The following COBLL1 variants were observed in gnomAD, a reference collection of about 807,000 sequenced individuals.
The protein encoded by COBLL1 is cordon-bleu protein-like 1.
A neutral mutation model predicts 94.8 loss-of-function variants in COBLL1; 50 were observed. The observed-to-expected ratio is 0.53, with a 90% confidence interval of 0.42 to 0.67. The LOEUF is 0.67. Ranked by LOEUF, COBLL1 falls within the 30% of genes least tolerant of loss-of-function variation. The pLI, the probability that COBLL1 is intolerant of heterozygous loss-of-function variation, is 0.00. For synonymous variants in COBLL1, 448 were observed against 473.8 expected (o/e 0.95, Z 0.71); for missense variants, 1,362 against 1,348.7 (o/e 1.01, Z -0.15).
intron 8 of COBLL1, 41 bp from the exon 9 acceptor site, chr2:164,704,559 C>CAAAT: frequency 6.9e-7 from 1 of 1,442,452 alleles, no homozygotes; most frequent in Non-Finnish European, 9.8e-7. Context: ...GTCATATTCA[C>CAAAT]AAATAAAACA....
chr2:164,659,578 C>A (rs1691037675), intron 2 of COBLL1, among the ~76,000 whole-genome samples: 1 of 152,134 alleles, frequency 6.6e-6, no homozygotes, highest in Non-Finnish European at 1.5e-5. Flanking sequence ...GAGATGTCCA[C>A]ACAGTAAGAT....
In COBLL1 at chr2:164,699,454, T is replaced by C; in HGVS notation, c.1506A>G (p.Val502=). 1.2e-6 allele frequency: 2 copies of C among 1,612,536 alleles called. No homozygotes were observed. The highest frequency in any genetic ancestry group is 1.7e-6 in the Non-Finnish European group (2 of 1,178,666). The part of the protein sequence containing the change: ...VVYDTSNGKK[V]VDSIRNLKSL... Reference sequence around the variant, plus strand: ...ACTTCAAGTTTCTTATACTGTCAACTACCTTCTTTCCATTGCTTGTATCAT... The same window carrying C: ...ACTTCAAGTTTCTTATACTGTCAACCACCTTCTTTCCATTGCTTGTATCAT... Residue 502 remains valine (V), a synonymous_variant, in exon 11 of 14, where the codon GTA becomes GTG. Coordinates refer to ENST00000652658, the MANE Select transcript of COBLL1 (RefSeq NM_001365672.2).
chr2:164,672,734 T>C (rs969994665), intron 1 of COBLL1, among the ~76,000 whole-genome samples: 5 of 141,682 alleles, frequency 3.5e-5, no homozygotes, highest in Non-Finnish European at 7.6e-5. Context: ...AAAAAATGAC[T>C]TTGTAAAAAA....
At chr2:164,796,840 T>C (rs1683485881) in intron 2 of COBLL1, among the ~76,000 whole-genome samples, 1 of 151,818 alleles carries the variant, frequency 6.6e-6, no homozygotes, top group Non-Finnish European at 1.5e-5. Flanking sequence ...CAAGGTATGG[T>C]GGAGCACACC....
At position 164,694,828 on chromosome 2, in the gene COBLL1, G is replaced by C; in HGVS notation, c.2564C>G (p.Ser855Cys). Residue 855 changes from serine (S) to cysteine (C), a missense_variant, in exon 12 of 14, where the codon TCT becomes TGT. By Grantham distance (112) the Ser-to-Cys change is moderately radical. Transcript: ENST00000652658. ...TTTGGCCTGGGCATTTGAAGCCCGAGATTTAAATTTTGATTCCAAAATATT... is the reference window on the plus strand; with the variant it reads ...TTTGGCCTGGGCATTTGAAGCCCGACATTTAAATTTTGATTCCAAAATATT... The part of the protein sequence containing the change: ...INNILESKFK[S>C]RASNAQAKPS... 1 of 1,613,856 alleles carries C rather than the reference G, an allele frequency of 6.2e-7. No individual in the cohort carries two copies. The highest frequency in any genetic ancestry group is 8.5e-7 in the Non-Finnish European group (1 of 1,179,930).
rs751353990 is a variant in COBLL1 at position 164,695,416 on chromosome 2, C to A, written c.1976G>T (p.Ser659Ile). ...TGAATGTATAATTAGGGTGCCTTGA[C>A]TCCTGAATTCCCTTGAGGTATTTAC... ...DSVNTSREFR[S>I]QGTLIIHSED... The change falls in exon 12 of 14, where the codon AGT becomes ATT. Residue 659 changes from serine to isoleucine, a missense_variant. Coordinates refer to ENST00000652658, the MANE Select transcript of COBLL1 (RefSeq NM_001365672.2). 1 of 1,613,902 alleles carries A rather than the reference C, an allele frequency of 6.2e-7. No homozygotes were observed. The highest frequency in any genetic ancestry group is 1.1e-5 in the South Asian group (1 of 91,062).
intron 2 of COBLL1, among the ~76,000 whole-genome samples, chr2:164,820,738 C>G (rs1368848501): frequency 6.6e-6 from 1 of 152,172 alleles, no homozygotes; most frequent in East Asian, 1.9e-4. Flanking sequence ...CTTCTTCCTC[C>G]ATGACTTTGA....
intron 2 of COBLL1, among the ~76,000 whole-genome samples, chr2:164,803,531 C>G (rs1447261118): frequency 1.3e-5 from 2 of 150,482 alleles, no homozygotes; most frequent in Non-Finnish European, 3.0e-5. Flanking sequence ...CGCCACTGCA[C>G]TCCAGCCTGG....
At chr2:164,819,183 A>G (rs441414) in intron 2 of COBLL1, among the ~76,000 whole-genome samples, 16,088 of 151,994 alleles carry the variant, frequency 0.11, 899 homozygotes, top group Middle Eastern at 0.16. Flanking sequence ...TGTCTCTATA[A>G]TAATAATCAA....
At chr2:164,694,172 C>A in intron 12 of COBLL1, 97 bp downstream of exon 12, 1 of 1,184,046 alleles carries the variant, frequency 8.4e-7, no homozygotes, top group South Asian at 1.5e-5. Flanking sequence ...AATATGAGTT[C>A]AGAGTTAAGT....
chr2:164,786,423 G>T (rs994964799), intron 2 of COBLL1, among the ~76,000 whole-genome samples: 3 of 152,144 alleles, frequency 2.0e-5, no homozygotes, highest in Admixed American at 1.3e-4. Flanking sequence ...CGTTGACATG[G>T]TCTTATGGGA....
intron 2 of COBLL1, among the ~76,000 whole-genome samples, chr2:164,665,444 C>T (rs542488756): frequency 2.0e-5 from 3 of 147,110 alleles, no homozygotes; most frequent in Admixed American, 6.8e-5. Context: ...GAAAGAGTAA[C>T]GTAAGTGTCT....
intron 2 of COBLL1, among the ~76,000 whole-genome samples, chr2:164,764,417 A>T (rs1301282921): frequency 1.3e-5 from 2 of 152,218 alleles, no homozygotes; most frequent in African/African-American, 2.4e-5. Context: ...TTGGAGTTAA[A>T]TAAAAATGCT....
intron 2 of COBLL1, among the ~76,000 whole-genome samples, chr2:164,660,330 ATG>A (rs1437912993): frequency 6.6e-6 from 1 of 152,158 alleles, no homozygotes; most frequent in African/African-American, 2.4e-5. Flanking sequence ...ACTGTTGTTA[ATG>A]TGTTATTGTG....
chr2:164,770,319 A>T (rs74740503), intron 2 of COBLL1, among the ~76,000 whole-genome samples: 1 of 152,068 alleles, frequency 6.6e-6, no homozygotes, highest in Non-Finnish European at 1.5e-5. Context: ...GAAAAAAAAA[A>T]CACACAATAC....
At chr2:164,723,895 C>G (rs187398567) in intron 5 of COBLL1, 10 of 152,448 alleles carry the variant, frequency 6.6e-5, no homozygotes, top group Non-Finnish European at 1.3e-4. Flanking sequence ...TCGGTTCAAG[C>G]GATTCTCCTG....
At chr2:164,704,697 G>C (rs1293348908) in intron 8 of COBLL1, among the ~76,000 whole-genome samples, 179 bp from the exon 9 acceptor site, 3 of 152,304 alleles carry the variant, frequency 2.0e-5, no homozygotes, top group African/African-American at 7.2e-5. Context: ...AGCTAATCCT[G>C]AAATGGCAGC....
chr2:164,698,459 C>T (rs543533100), intron 11 of COBLL1, among the ~76,000 whole-genome samples: 1 of 151,284 alleles, frequency 6.6e-6, no homozygotes, highest in Admixed American at 6.6e-5. Flanking sequence ...ATGAATACTA[C>T]ATCCTAAGTT....
At chr2:164,761,576 T>C (rs944445969) in intron 2 of COBLL1, 1 of 151,948 alleles carries the variant, frequency 6.6e-6, no homozygotes, top group Non-Finnish European at 1.5e-5. Context: ...AGAAAATATA[T>C]CCTCAATAAG....
Sources: gnomAD v4.1 joint callset for allele counts (sites outside exome capture counted in the v4.1 genomes callset) on GRCh38, gnomAD v4.1.1 for gene constraint, MANE v1.5 for transcripts, NCBI Gene and HGNC (gene_info 2026-07-23, HGNC 2026-07-21) for gene names.